The following SPN variants were observed in gnomAD, a reference collection of about 807,000 sequenced individuals.
SPN encodes sialophorin.
SPN carries 6 observed loss-of-function variants against 8.4 expected under a neutral mutation model. The observed-to-expected ratio is 0.72, with a 90% confidence interval of 0.39 to 1.42. SPN has a LOEUF of 1.42. Among genes scored for constraint, SPN ranks in the 40% most tolerant of loss-of-function variants. The pLI, the probability that SPN is intolerant of heterozygous loss-of-function variation, is 0.02. For synonymous variants in SPN, 201 were observed against 222.6 expected (o/e 0.90, Z 0.86); for missense variants, 517 against 530.6 (o/e 0.97, Z 0.25).
In SPN at chr16:29,669,646, G is replaced by A. The variant is rs1297773113; in HGVS notation, c.*4715G>A. Reference sequence around the variant, plus strand: ...TGTAATCCCAGCACTTTGGGAGGCCGAGGCAGGTGGATCACCTGAGGTCAG... The same window carrying A: ...TGTAATCCCAGCACTTTGGGAGGCCAAGGCAGGTGGATCACCTGAGGTCAG... On this transcript the variant is annotated 3_prime_UTR_variant, in exon 2 of 2. Coordinates refer to ENST00000652691, the MANE Select transcript of SPN (RefSeq NM_003123.6). The A allele has an allele frequency of 5.8e-5, 9 of 155,456 alleles. No individual in the cohort carries two copies. Among genetic ancestry groups the A allele is most frequent in the Non-Finnish European group, 2.9e-5 (2 of 67,884 alleles). The allele number at this position is 155,456 out of a possible 1,614,324, so 9.6% of individuals were successfully genotyped here.
chr16:29,664,787 G>T lies in SPN; in HGVS notation c.1059G>T (p.Gln353His). The change falls in exon 2 of 2, where the codon CAG becomes CAT. Residue 353 changes from glutamine (Q) to histidine (H), a missense_variant. By Grantham distance (24) the Gln-to-His change is conservative. Transcript: ENST00000652691. The surrounding 1 kb of genome is among the most constrained non-coding windows in gnomAD (Gnocchi z 6.4). ...TTFFGRRKSRQGSLAMEELKS... is the reference protein window; with the variant it reads ...TTFFGRRKSRHGSLAMEELKS... ...TCTTTGGCAGACGGAAGTCTCGCCA[G>T]GGCTCCCTGGCGATGGAGGAGCTGA... 1 of 1,501,844 alleles carries T rather than the reference G, an allele frequency of 6.7e-7. No homozygotes were observed. Among genetic ancestry groups the T allele is most frequent in the East Asian group, 2.3e-5 (1 of 43,084 alleles). 93.0% of individuals were successfully genotyped at this position (1,501,844 alleles called of 1,614,324 possible).
In SPN at chr16:29,663,715, CTGTT is replaced by C; in HGVS notation, c.-11_-8del. On this transcript the variant is annotated 5_prime_UTR_variant, in exon 2 of 2. Coordinates refer to ENST00000652691, the MANE Select transcript of SPN (RefSeq NM_003123.6). The surrounding 1 kb of genome is among the most constrained non-coding windows in gnomAD (Gnocchi z 4.3). ...TGCAGGTCCCAGCTCTTGCTCCTGC[CTGTT>C]TGCCTGGAAATGGCCACGCTTCTCC... 2 of 1,544,176 alleles carry C rather than the reference CTGTT, an allele frequency of 1.3e-6. No individual in the cohort carries two copies. Among genetic ancestry groups the C allele is most frequent in the Non-Finnish European group, 1.7e-6 (2 of 1,148,402 alleles).
At position 29,664,499 on chromosome 16, in the gene SPN, A is replaced by G. The variant is rs774111740; in HGVS notation, c.771A>G (p.Pro257=). The change falls in exon 2 of 2, where the codon CCA becomes CCG. Residue 257 remains proline, a synonymous_variant. Transcript: ENST00000652691. The surrounding 1 kb of genome is among the most constrained non-coding windows in gnomAD (Gnocchi z 6.4). ...ATGAGAACTCACGAGGCATGCTGCC[A>G]GTGGCTGTGCTTGTGGCCCTGCTGG... ...NPDENSRGML[P]VAVLVALLAV... 6 of 1,614,226 alleles carry G rather than the reference A, an allele frequency of 3.7e-6. No homozygotes were observed. The highest frequency in any genetic ancestry group is 1.7e-5 in the Admixed American group (1 of 60,026).
In SPN at chr16:29,664,066, C is replaced by T; in HGVS notation, c.338C>T (p.Thr113Ile). The change falls in exon 2 of 2, where the codon ACC (threonine) becomes ATC (isoleucine). Residue 113 changes from threonine to isoleucine, a missense_variant. Coordinates refer to ENST00000652691, the MANE Select transcript of SPN (RefSeq NM_003123.6). The surrounding 1 kb of genome is among the most constrained non-coding windows in gnomAD (Gnocchi z 6.4). Reference sequence around the variant, plus strand: ...GTGCCCCAGGAAACCCCTCATGCAACCAGTCATCCTGCTGTTCCCATAACA... The same window carrying T: ...GTGCCCCAGGAAACCCCTCATGCAATCAGTCATCCTGCTGTTCCCATAACA... ...SSVPQETPHA[T>I]SHPAVPITAN... is the part of the protein sequence containing the mutation. The T allele has an allele frequency of 6.2e-7, 1 of 1,614,054 alleles. No homozygotes were observed. The highest frequency in any genetic ancestry group is 8.5e-7 in the Non-Finnish European group (1 of 1,180,016).
chr16:29,666,557 C>CACT lies in SPN; in HGVS notation c.*1626_*1627insACT, dbSNP rs1966818407. On this transcript the variant is annotated 3_prime_UTR_variant, in exon 2 of 2. Coordinates refer to ENST00000652691, the MANE Select transcript of SPN (RefSeq NM_003123.6). ...ACACACACACACACACACACACGCG[C>CACT]GCGCGCGCGCGCTCTCCTGCGAACA... 4.3e-6 allele frequency: 1 copy of CACT among 232,960 alleles called. No homozygotes were observed. The highest frequency in any genetic ancestry group is 2.6e-5 in the African/African-American group (1 of 38,160). The allele number at this position is 232,960 out of a possible 1,614,324, so 14.4% of individuals were successfully genotyped here.
Position 29,667,170 on chromosome 16 carries a change from CT to C in SPN, c.*2243del. 1 of 384,772 alleles carries C rather than the reference CT, an allele frequency of 2.6e-6. No individual in the cohort carries two copies. Among genetic ancestry groups the C allele is most frequent in the Non-Finnish European group, 5.4e-6 (1 of 184,988 alleles). The allele number at this position is 384,772 out of a possible 1,614,324, so 23.8% of individuals were successfully genotyped here. A position where few individuals can be genotyped will look rare whatever the true frequency, so the allele number is the denominator to read the frequency against. On this transcript the variant is annotated 3_prime_UTR_variant, in exon 2 of 2. Coordinates refer to ENST00000652691, the MANE Select transcript of SPN (RefSeq NM_003123.6). ...CACCCACTGGGCTGCATCTGGTGGCCTTTTCTGATTGCTATTTGGACTCACT... is the reference window on the plus strand; with the variant it reads ...CACCCACTGGGCTGCATCTGGTGGCCTTTCTGATTGCTATTTGGACTCACT...
rs552463180 is a variant in SPN, at chr16:29,664,578, C to T, written c.850C>T (p.Arg284Trp). The change falls in exon 2 of 2, where the codon CGG becomes TGG. Residue 284 changes from arginine (R) to tryptophan (W), a missense_variant. Physicochemically the swap from Arg to Trp is moderately radical, Grantham distance 101 (BLOSUM62 -3). Transcript: ENST00000652691. This position sits in a 1 kb window ranked among gnomAD's most constrained non-coding sequence, Gnocchi z 6.4. ...LLLWRRRQKRRTGALVLSRGG... is the reference protein window; with the variant it reads ...LLLWRRRQKRWTGALVLSRGG... ...GCTGTGGCGCCGGCGGCAGAAGCGG[C>T]GGACTGGGGCCCTCGTGCTGAGCAG... The T allele has an allele frequency of 1.7e-5, 28 of 1,611,898 alleles. No homozygotes were observed. Among genetic ancestry groups the T allele is most frequent in the Middle Eastern group, 3.3e-4 (2 of 6,060 alleles).
chr16:29,664,366 A>G lies in SPN; in HGVS notation c.638A>G (p.Glu213Gly). Residue 213 changes from glutamate to glycine, a missense_variant, in exon 2 of 2, where the codon GAG becomes GGG. Transcript: ENST00000652691. This position sits in a 1 kb window ranked among gnomAD's most constrained non-coding sequence, Gnocchi z 6.4. Reference protein sequence around the residue: ...PPVTMTTGSLEPSSGASGPQV... With the variant: ...PPVTMTTGSLGPSSGASGPQV... ...GTTACCATGACAACTGGCTCTCTGG[A>G]GCCCTCCAGCGGGGCCAGTGGACCC... 6.2e-7 allele frequency: 1 copy of G among 1,613,478 alleles called. No homozygotes were observed. The highest frequency in any genetic ancestry group is 8.5e-7 in the Non-Finnish European group (1 of 1,180,006).
rs1377910792 is a variant in SPN, at chr16:29,669,017, G to C, written c.*4086G>C. ...CAAAAAATTAGCCAGGCGTGGTGGT[G>C]CATGCCTGTAGTACCAGCTACTTGA... On this transcript the variant is annotated 3_prime_UTR_variant, in exon 2 of 2. Transcript: ENST00000652691. 1.2e-5 allele frequency: 2 copies of C among 166,622 alleles called. No individual in the cohort carries two copies. The highest frequency in any genetic ancestry group is 3.9e-4 in the East Asian group (2 of 5,120). 10.3% of individuals were successfully genotyped at this position (166,622 alleles called of 1,614,324 possible).
rs1166533074 is a variant in SPN, at chr16:29,666,847, T to C, written c.*1916T>C. 2.1e-6 allele frequency: 1 copy of C among 468,198 alleles called. No homozygotes were observed. The highest frequency in any genetic ancestry group is 4.4e-6 in the Non-Finnish European group (1 of 225,096). 29.0% of individuals were successfully genotyped at this position (468,198 alleles called of 1,614,324 possible). A position where few individuals can be genotyped will look rare whatever the true frequency, so the allele number is the denominator to read the frequency against. On this transcript the variant is annotated 3_prime_UTR_variant, in exon 2 of 2. Coordinates refer to ENST00000652691, the MANE Select transcript of SPN (RefSeq NM_003123.6). ...CCAGGCTACAGCCCAGGAGCACACA[T>C]GGGCCAGGGCAGTTGGTATTTCCCG...
Position 29,666,666 on chromosome 16 carries a change from GTC to G in SPN, c.*1737_*1738del. 6.0e-6 allele frequency: 2 copies of G among 333,606 alleles called. No individual in the cohort carries two copies. Among genetic ancestry groups the G allele is most frequent in the Non-Finnish European group, 1.3e-5 (2 of 159,390 alleles). The allele number at this position is 333,606 out of a possible 1,614,324, so 20.7% of individuals were successfully genotyped here. ...CACTGCACGTTTCCAGGTTTAGTTT[GTC>G]TGTGTCTCCTCTTCCATCCCAGGGG... On this transcript the variant is annotated 3_prime_UTR_variant, in exon 2 of 2. Coordinates refer to ENST00000652691, the MANE Select transcript of SPN (RefSeq NM_003123.6).
rs1269982439 is a variant in SPN, at chr16:29,669,605, G to C, written c.*4674G>C. 6.3e-6 allele frequency: 1 copy of C among 159,544 alleles called. No homozygotes were observed. The highest frequency in any genetic ancestry group is 1.5e-5 in the Non-Finnish European group (1 of 67,932). 9.9% of individuals were successfully genotyped at this position (159,544 alleles called of 1,614,324 possible). ...AAAAAGGAGATAGAGCAGGCCAGACGTGGTGGCTCAACGTCTGTAATCCCA... is the reference window on the plus strand; with the variant it reads ...AAAAAGGAGATAGAGCAGGCCAGACCTGGTGGCTCAACGTCTGTAATCCCA... On this transcript the variant is annotated 3_prime_UTR_variant, in exon 2 of 2. Transcript: ENST00000652691.
Position 29,665,642 on chromosome 16 carries a change from G to T in SPN, c.*711G>T, listed in dbSNP as rs564600784. 1 of 167,190 alleles carries T rather than the reference G, an allele frequency of 6.0e-6. No individual in the cohort carries two copies. The highest frequency in any genetic ancestry group is 1.9e-4 in the East Asian group (1 of 5,188). 10.4% of individuals were successfully genotyped at this position (167,190 alleles called of 1,614,324 possible). ...CTCCTTTTCCCCCAGAACCCACCCTGGGTTGACCAGAGTCTGGGAAGAAGG... is the reference window on the plus strand; with the variant it reads ...CTCCTTTTCCCCCAGAACCCACCCTTGGTTGACCAGAGTCTGGGAAGAAGG... On this transcript the variant is annotated 3_prime_UTR_variant, in exon 2 of 2. Transcript: ENST00000652691.
Position 29,665,037 on chromosome 16 carries a change from C to T in SPN, c.*106C>T, listed in dbSNP as rs1966792309. The T allele has an allele frequency of 8.3e-7, 1 of 1,197,884 alleles. No individual in the cohort carries two copies. The highest frequency in any genetic ancestry group is 1.6e-5 in the African/African-American group (1 of 63,384). 74.2% of individuals were successfully genotyped at this position (1,197,884 alleles called of 1,614,324 possible). A position where few individuals can be genotyped will look rare whatever the true frequency, so the allele number is the denominator to read the frequency against. On this transcript the variant is annotated 3_prime_UTR_variant, in exon 2 of 2. Transcript: ENST00000652691. ...CGCTCCCATGTTTCCACCCGGCACC[C>T]TGATCCTCACCCGAATCTCCTTTTT...
Position 29,669,577 on chromosome 16 carries a change from C to CA in SPN, c.*4653dup, listed in dbSNP as rs1011038317. 6.1e-6 allele frequency: 1 copy of CA among 163,190 alleles called. No individual in the cohort carries two copies. 10.1% of individuals were successfully genotyped at this position (163,190 alleles called of 1,614,324 possible). A position where few individuals can be genotyped will look rare whatever the true frequency, so the allele number is the denominator to read the frequency against. ...GATATTTTAAGACTAAAAAGGAAAA[C>CA]AAAAAAAGGAGATAGAGCAGGCCAG... On this transcript the variant is annotated 3_prime_UTR_variant, in exon 2 of 2. Transcript: ENST00000652691.
At position 29,663,625 on chromosome 16, in the gene SPN, C is replaced by T; in HGVS notation, c.-34-70C>T. Reference sequence around the variant, plus strand: ...GCCTGGCCGTTGGCAGGGAAGTGGGCAGAGGGGAGGCCCGGCCAGGTCCTC... The same window carrying T: ...GCCTGGCCGTTGGCAGGGAAGTGGGTAGAGGGGAGGCCCGGCCAGGTCCTC... On this transcript the variant is annotated intron_variant, in intron 1 of 1. Coordinates refer to ENST00000652691, the MANE Select transcript of SPN (RefSeq NM_003123.6). This position sits in a 1 kb window ranked among gnomAD's most constrained non-coding sequence, Gnocchi z 4.3. 6.8e-7 allele frequency: 1 copy of T among 1,476,210 alleles called. No individual in the cohort carries two copies. Among genetic ancestry groups the T allele is most frequent in the Non-Finnish European group, 9.0e-7 (1 of 1,110,150 alleles). 91.4% of individuals were successfully genotyped at this position (1,476,210 alleles called of 1,614,324 possible).
At position 29,664,894 on chromosome 16, in the gene SPN, C is replaced by G. The variant is rs1392004633; in HGVS notation, c.1166C>G (p.Pro389Arg). 1.4e-6 allele frequency: 2 copies of G among 1,447,644 alleles called. No homozygotes were observed. Among genetic ancestry groups the G allele is most frequent in the Admixed American group, 5.3e-5 (2 of 37,536 alleles). 89.7% of individuals were successfully genotyped at this position (1,447,644 alleles called of 1,614,324 possible). ...SEDGAVDAPA[P>R]DEPEGGDGAA... ...GATGGGGCTGTGGACGCCCCAGCTCCTGATGAGCCCGAAGGGGGAGACGGG... is the reference window on the plus strand; with the variant it reads ...GATGGGGCTGTGGACGCCCCAGCTCGTGATGAGCCCGAAGGGGGAGACGGG... Residue 389 changes from proline (P) to arginine (R), a missense_variant, in exon 2 of 2, where the codon CCT becomes CGT. Transcript: ENST00000652691. The surrounding 1 kb of genome is among the most constrained non-coding windows in gnomAD (Gnocchi z 6.4).
rs1377508755 is a variant in SPN at position 29,664,118 on chromosome 16, G to C, written c.390G>C (p.Val130=). The part of the protein sequence containing the change: ...ITANSLGSHT[V]TGGTITTNSP... The stretch of plus-strand genomic sequence containing the variant: ...CAAACTCTCTAGGATCCCACACCGT[G>C]ACAGGTGGAACCATAACAACGAACT... The change falls in exon 2 of 2, where the codon GTG becomes GTC. Residue 130 remains valine (V), a synonymous_variant. Coordinates refer to ENST00000652691, the MANE Select transcript of SPN (RefSeq NM_003123.6). This position sits in a 1 kb window ranked among gnomAD's most constrained non-coding sequence, Gnocchi z 6.4. The C allele has an allele frequency of 6.2e-7, 1 of 1,614,078 alleles. No individual in the cohort carries two copies. The highest frequency in any genetic ancestry group is 1.7e-5 in the Admixed American group (1 of 59,992).
rs78850123 is a variant in SPN at position 29,667,906 on chromosome 16, G to A, written c.*2975G>A. On this transcript the variant is annotated 3_prime_UTR_variant, in exon 2 of 2. Transcript: ENST00000652691. Reference sequence around the variant, plus strand: ...TGCGTGTGTGCACATATGTGTGTACGTGTGCATGTGCGTGCGTGCATGTGC... The same window carrying A: ...TGCGTGTGTGCACATATGTGTGTACATGTGCATGTGCGTGCGTGCATGTGC... 9.9e-3 allele frequency: 1,659 copies of A among 166,770 alleles called. 14 individuals are homozygous for A. Among genetic ancestry groups the A allele is most frequent in the Middle Eastern group, 0.027 (8 of 296 alleles). The allele number at this position is 166,770 out of a possible 1,614,324, so 10.3% of individuals were successfully genotyped here.
Sources: allele counts gnomAD v4.1 joint callset, GRCh38; gene constraint gnomAD v4.1.1; non-coding constraint Gnocchi (gnomAD v3.1); transcripts MANE v1.5; gene names NCBI Gene and HGNC (gene_info 2026-07-23, HGNC 2026-07-21).